Variants in METTL15 observed in about 807,000 individuals in gnomAD.
METTL15 encodes the protein methyltransferase 15, mitochondrial 12S rRNA N4-cytidine.
Under a neutral mutation model 38.3 loss-of-function variants are expected in METTL15, and 34 were observed. The observed-to-expected ratio is 0.89, with a 90% CI of 0.68 to 1.18. METTL15 has a LOEUF of 1.18. Ranked by LOEUF, METTL15 falls within the 50% of genes most tolerant of loss-of-function variation. The pLI is 0.00. For missense variants in METTL15, 438 were observed against 498.4 expected, an observed-to-expected ratio of 0.88 and a Z score of 1.15; for synonymous variants, 162 against 170.9, an observed-to-expected ratio of 0.95 and a Z score of 0.41.
intron 3 of METTL15, among the ~76,000 whole-genome samples, chr11:28,117,231 A>ATGTGTGTGTGTT (rs1444092063): frequency 3.0e-5 from 2 of 66,820 alleles, no homozygotes; most frequent in African/African-American, 1.1e-4. Flanking sequence ...ACACCTATAT[A>ATGTGTGTGTGTT]TGTATGTGTG....
At position 28,220,927 on chromosome 11, in the gene METTL15, T is replaced by C. The variant is rs374428894; in HGVS notation, c.407+9729T>C. The stretch of plus-strand genomic sequence containing the variant: ...TGGCTTGTAGAGTTTTGCGGAGAGA[T>C]CAACTGTTAGTCTGATGGGCTTCCC... On this transcript the variant is annotated intron_variant, in intron 4 of 6. Transcript: ENST00000407364. Among the ~76,000 whole-genome samples the C allele has an allele frequency of 1.7e-4, 26 of 152,326 alleles. No homozygotes were observed. In the East Asian group the frequency reaches 3.1e-3, roughly 18 times the overall value.
rs992887196 is a variant in METTL15, at chr11:28,181,868, C to T, written c.271-29194C>T. ...ACAATGGTTGAACTCATTTACACTCCCACCAGCAGTGTAAAAGTATTCCTA... is the reference window on the plus strand; with the variant it reads ...ACAATGGTTGAACTCATTTACACTCTCACCAGCAGTGTAAAAGTATTCCTA... On this transcript the variant is annotated intron_variant, in intron 3 of 6. Coordinates refer to ENST00000407364, the MANE Select transcript of METTL15 (RefSeq NM_001113528.2). 3.3e-5 allele frequency among the ~76,000 whole-genome samples: 5 copies of T among 152,220 alleles called. No homozygotes were observed. The East Asian group carries it at 9.7e-4, about 29-fold the overall frequency.
intron 6 of METTL15, among the ~76,000 whole-genome samples, chr11:28,495,667 G>A (rs1564947636): frequency 6.6e-6 from 1 of 151,734 alleles, no homozygotes; most frequent in Admixed American, 6.6e-5. Flanking sequence ...ATGAGAGGGT[G>A]GAAGAAAAGC....
intron 4 of METTL15, among the ~76,000 whole-genome samples, chr11:28,222,483 C>T (rs570095116): frequency 1.3e-5 from 2 of 152,334 alleles, no homozygotes; most frequent in African/African-American, 4.8e-5. Context: ...AGGGAATTCC[C>T]TGACCCCTTG....
intron 4 of METTL15, among the ~76,000 whole-genome samples, chr11:28,224,486 C>G (rs960822899): frequency 1.3e-5 from 2 of 151,760 alleles, no homozygotes; most frequent in Admixed American, 6.6e-5. Flanking sequence ...AGAACTAACA[C>G]CAACGTAAAC....
In METTL15 at chr11:28,185,279, G is replaced by T. The variant is rs752212770; in HGVS notation, c.271-25783G>T. On this transcript the variant is annotated intron_variant, in intron 3 of 6. Transcript: ENST00000407364. ...CGAAACACTAGAATTAAAAAGAAAG[G>T]CAGCTAGAGTACAGATTTTTTTTTA... is the stretch of plus-strand genomic sequence containing the variant. Among the ~76,000 whole-genome samples the T allele has an allele frequency of 3.3e-5, 5 of 151,298 alleles. No homozygotes were observed. In the Admixed American group the frequency reaches 3.3e-4, roughly 10 times the overall value.
At chr11:28,469,923 A>T (rs1039865406) in intron 6 of METTL15, among the ~76,000 whole-genome samples, 2 of 152,156 alleles carry the variant, frequency 1.3e-5, no homozygotes, top group Non-Finnish European at 2.9e-5. Flanking sequence ...AGTGTTTACT[A>T]ATTTTAAATG....
intron 6 of METTL15, among the ~76,000 whole-genome samples, chr11:28,445,996 G>A (rs1375989342): frequency 2.0e-5 from 3 of 152,082 alleles, no homozygotes; most frequent in Non-Finnish European, 2.9e-5. Flanking sequence ...ATTTTGTAGA[G>A]CTCATGTTTT....
At chr11:28,282,255 C>T (rs1176176868) in intron 4 of METTL15, among the ~76,000 whole-genome samples, 4 of 152,114 alleles carry the variant, frequency 2.6e-5, no homozygotes, top group South Asian at 2.1e-4. Context: ...ATTTCTGGCA[C>T]GGGAACCTTG....
intron 3 of METTL15, among the ~76,000 whole-genome samples, chr11:28,191,851 G>A (rs1173768218): frequency 6.6e-6 from 1 of 151,590 alleles, no homozygotes; most frequent in Non-Finnish European, 1.5e-5. Flanking sequence ...AGTGCTAGTT[G>A]TTTCTGCCTA....
chr11:28,134,491 T>C, intron 3 of METTL15: 1 of 398,332 alleles, frequency 2.5e-6, no homozygotes, highest in Non-Finnish European at 4.4e-6. Flanking sequence ...CAGGGATCCT[T>C]CTGGTACTGT....
intron 4 of METTL15, among the ~76,000 whole-genome samples, chr11:28,221,000 C>G (rs1299762852): frequency 6.6e-6 from 1 of 152,064 alleles, no homozygotes; most frequent in East Asian, 1.9e-4. Context: ...AACATTTTTT[C>G]CTTCATTTCA....
At chr11:28,115,094 G>A (rs1851882104) in intron 3 of METTL15, among the ~76,000 whole-genome samples, 2 of 152,098 alleles carry the variant, frequency 1.3e-5, no homozygotes, top group African/African-American at 2.4e-5. Flanking sequence ...AAAACCAACA[G>A]ACAGTTGACC....
chr11:28,117,215 A>G (rs1852000215), intron 3 of METTL15, among the ~76,000 whole-genome samples: 1 of 149,298 alleles, frequency 6.7e-6, no homozygotes. Flanking sequence ...ATATACATAC[A>G]TATATACACC....
chr11:28,295,874 A>G (rs1283846339), intron 5 of METTL15, among the ~76,000 whole-genome samples: 1 of 152,112 alleles, frequency 6.6e-6, no homozygotes, highest in Non-Finnish European at 1.5e-5. Context: ...GTTACCAACA[A>G]TCAATCCAGC....
At chr11:28,108,587 T>C (rs3812736) in intron 1 of METTL15, 135 bp downstream of exon 1, 13,333 of 152,348 alleles carry the variant, frequency 0.088, 1,039 homozygotes, top group East Asian at 0.36. Context: ...CAAGAAGTTG[T>C]AGGGACCTGT....
intron 5 of METTL15, among the ~76,000 whole-genome samples, chr11:28,366,412 T>C (rs1243644082): frequency 6.6e-6 from 1 of 152,172 alleles, no homozygotes; most frequent in African/African-American, 2.4e-5. Flanking sequence ...TAAGCTTGAT[T>C]CTCATTTCTA....
chr11:28,145,255 T>A (rs1290893936), intron 3 of METTL15: 1 of 152,178 alleles, frequency 6.6e-6, no homozygotes, highest in Non-Finnish European at 1.5e-5. Context: ...TAATTATACT[T>A]TTAAAATTCC....
chr11:28,187,313 A>G (rs1851533307), intron 3 of METTL15, among the ~76,000 whole-genome samples: 1 of 151,166 alleles, frequency 6.6e-6, no homozygotes. Flanking sequence ...GATTTTTAGA[A>G]TGTTTGAAAA....
Sources: gnomAD v4.1 joint callset for allele counts (sites outside exome capture counted in the v4.1 genomes callset) on GRCh38, gnomAD v4.1.1 for gene constraint, MANE v1.5 for transcripts, NCBI Gene and HGNC (gene_info 2026-07-23, HGNC 2026-07-21) for gene names.